The following PCSK5 variants were observed in gnomAD, a reference collection of about 807,000 sequenced individuals.
PCSK5 encodes the protein prohormone convertase 5.
A neutral mutation model predicts 233.2 loss-of-function variants in PCSK5; 129 were observed. The observed-to-expected ratio is 0.55, with a 90% CI of 0.48 to 0.64. PCSK5 has a LOEUF of 0.64. PCSK5 is among the 30% of genes least tolerant of loss of function. PCSK5 has a pLI of 0.00. For missense variants in PCSK5, 2,076 were observed against 2,430.1 expected (o/e 0.85, Z 3.06); for synonymous variants, 825 against 879.2 (o/e 0.94, Z 1.09).
intron 2 of PCSK5, among the ~76,000 whole-genome samples, chr9:75,953,550 C>T (rs949460779): frequency 2.6e-5 from 4 of 152,120 alleles, no homozygotes; most frequent in Non-Finnish European, 5.9e-5. Context: ...CACGTGCCTA[C>T]TGGAAGGAAA....
chr9:76,028,073 A>G (rs1431851897), intron 5 of PCSK5, among the ~76,000 whole-genome samples: 1 of 152,228 alleles, frequency 6.6e-6, no homozygotes, highest in Admixed American at 6.5e-5. Context: ...AAGCTTAACA[A>G]AATAACTGTA....
chr9:75,921,970 G>A (rs754527748), intron 1 of PCSK5, among the ~76,000 whole-genome samples: 4 of 152,160 alleles, frequency 2.6e-5, no homozygotes, highest in Non-Finnish European at 4.4e-5. Context: ...ATTCAATAGA[G>A]GACATAGGTT....
chr9:75,995,781 A>ACACACT (rs1491211865), intron 3 of PCSK5, among the ~76,000 whole-genome samples: 15 of 145,348 alleles, frequency 1.0e-4, no homozygotes, highest in African/African-American at 3.3e-4. Flanking sequence ...ACACACACAC[A>ACACACT]CTCACACCTC....
At chr9:75,939,985 G>T (rs1824226634) in intron 2 of PCSK5, among the ~76,000 whole-genome samples, 1 of 152,122 alleles carries the variant, frequency 6.6e-6, no homozygotes, top group African/African-American at 2.4e-5. Context: ...ACTTGGAAAA[G>T]CTATTCATAT....
chr9:76,007,206 T>C (rs1827515676), intron 3 of PCSK5, among the ~76,000 whole-genome samples: 1 of 152,232 alleles, frequency 6.6e-6, no homozygotes, highest in Non-Finnish European at 1.5e-5. Flanking sequence ...TGTCCATATA[T>C]TTTAAAAATA....
intron 6 of PCSK5, among the ~76,000 whole-genome samples, chr9:76,070,101 T>C (rs1258225060): frequency 1.3e-5 from 2 of 151,030 alleles, no homozygotes; most frequent in African/African-American, 4.9e-5. Flanking sequence ...CCTGGGTTCA[T>C]GCCATTCTTC....
At chr9:76,136,161 T>C (rs1477080489) in intron 10 of PCSK5, among the ~76,000 whole-genome samples, 1 of 152,014 alleles carries the variant, frequency 6.6e-6, no homozygotes, top group African/African-American at 2.4e-5. Flanking sequence ...AGTGGGATTG[T>C]TTTGTAATTT....
At chr9:76,180,085 GTGTATATATATA>G (rs1823786640) in intron 15 of PCSK5, among the ~76,000 whole-genome samples, 2 of 88,536 alleles carry the variant, frequency 2.3e-5, no homozygotes, top group African/African-American at 1.2e-4. Context: ...ATGTGTGTGT[GTGTATATATATA>G]TATATATACA....
At chr9:75,916,569 C>T (rs181870992) in intron 1 of PCSK5, among the ~76,000 whole-genome samples, 252 of 151,770 alleles carry the variant, frequency 1.7e-3, no homozygotes, top group African/African-American at 5.8e-3. Flanking sequence ...AGCTAAGATC[C>T]AAAAAACGAG....
chr9:76,023,778 A>G lies in PCSK5; in HGVS notation c.452A>G (p.Asn151Ser). ...DNTHPCQSDM[N>S]IEGAWKRGYT... is the part of the protein sequence containing the mutation. The stretch of plus-strand genomic sequence containing the variant: ...ACACATCCCTGCCAGTCTGACATGA[A>G]TATCGAAGGAGCCTGGAAGAGAGGC... Residue 151 changes from asparagine to serine, a missense_variant, in exon 4 of 38, where the codon AAT becomes AGT. Physicochemically the swap from Asn to Ser is conservative, Grantham distance 46. This residue lies in a region of PCSK5 where 190 missense variants were observed against 216.3 expected (regional missense o/e 0.88). Coordinates refer to ENST00000674117, the MANE Select transcript of PCSK5 (RefSeq NM_001372043.1). The G allele has an allele frequency of 1.9e-6, 3 of 1,613,322 alleles. No individual in the cohort carries two copies. The highest frequency in any genetic ancestry group is 1.1e-5 in the South Asian group (1 of 90,960).
chr9:76,225,410 C>T (rs556519719), intron 20 of PCSK5, among the ~76,000 whole-genome samples: 2 of 152,286 alleles, frequency 1.3e-5, no homozygotes, highest in African/African-American at 2.4e-5. Context: ...ATGAACCTCT[C>T]CATTCTTGTT....
chr9:76,332,421 C>G lies in PCSK5; in HGVS notation c.4571-12C>G, dbSNP rs778173769. 1.2e-6 allele frequency: 2 copies of G among 1,602,568 alleles called. No homozygotes were observed. The highest frequency in any genetic ancestry group is 2.2e-5 in the South Asian group (2 of 89,972). The stretch of plus-strand genomic sequence containing the variant: ...CTCGATGTCCAAATAGACATTTTTT[C>G]TCCCATGACAGACACAACCTGTGTG... On this transcript the variant is annotated splice_polypyrimidine_tract_variant and intron_variant, in intron 33 of 37. Coordinates refer to ENST00000674117, the MANE Select transcript of PCSK5 (RefSeq NM_001372043.1).
chr9:76,287,747 C>T (rs1828126548), intron 24 of PCSK5: 1 of 163,922 alleles, frequency 6.1e-6, no homozygotes, highest in Non-Finnish European at 1.3e-5. Flanking sequence ...GCATGAGCCA[C>T]CGCGCCCGGC....
intron 10 of PCSK5, among the ~76,000 whole-genome samples, chr9:76,145,647 A>G (rs1163717011): frequency 6.6e-6 from 1 of 152,222 alleles, no homozygotes; most frequent in Non-Finnish European, 1.5e-5. Context: ...CATATCCCAC[A>G]TCAGGGACAG....
chr9:76,051,580 A>G (rs1334142912), intron 5 of PCSK5, among the ~76,000 whole-genome samples: 1 of 152,056 alleles, frequency 6.6e-6, no homozygotes, highest in Non-Finnish European at 1.5e-5. Context: ...TACTTATCTC[A>G]GTAGAGCAGA....
intron 35 of PCSK5, among the ~76,000 whole-genome samples, chr9:76,349,230 C>T (rs566742594): frequency 1.1e-4 from 16 of 142,788 alleles, no homozygotes; most frequent in Middle Eastern, 3.8e-3. Context: ...GCCGAGATCG[C>T]GCCATTGCAC....
intron 5 of PCSK5, among the ~76,000 whole-genome samples, chr9:76,064,135 C>T (rs867136150): frequency 0.033 from 3,569 of 108,192 alleles, 30 homozygotes; most frequent in Admixed American, 0.047. Context: ...GGGCGGAGGG[C>T]TGACCCCCCC....
At chr9:76,237,004 G>A (rs1328801760) in intron 22 of PCSK5, among the ~76,000 whole-genome samples, 7 of 152,264 alleles carry the variant, frequency 4.6e-5, no homozygotes, top group Middle Eastern at 3.4e-3. Context: ...GAAGGTGCAG[G>A]GGATGGAGAA....
intron 17 of PCSK5, among the ~76,000 whole-genome samples, chr9:76,187,075 G>T (rs1238526888): frequency 2.0e-5 from 3 of 151,958 alleles, no homozygotes; most frequent in African/African-American, 7.3e-5. Flanking sequence ...ATGCTAATGG[G>T]GACTGTTCGG....
Sources: gnomAD v4.1 joint callset for allele counts (sites outside exome capture counted in the v4.1 genomes callset) on GRCh38, gnomAD v4.1.1 for gene constraint, gnomAD v4.1.1 regional missense constraint, MANE v1.5 for transcripts, NCBI Gene and HGNC (gene_info 2026-07-23, HGNC 2026-07-21) for gene names.